The following SELENOI variants were observed in gnomAD, a reference collection of about 807,000 sequenced individuals.
SELENOI encodes ethanolaminephosphotransferase 1.
In SELENOI, 24 loss-of-function variants were observed where a neutral mutation model predicts 50.7. That is an observed-to-expected ratio of 0.47 (90% CI 0.34 to 0.67). The LOEUF (loss-of-function observed/expected upper bound fraction) is 0.67, where lower values mean the gene tolerates loss of function less well. Among genes scored for constraint, SELENOI ranks in the 30% least tolerant of loss-of-function variants. The probability of loss-of-function intolerance (pLI) is 0.01; values close to 1 mark genes in which losing one functional copy is unlikely to be tolerated. For synonymous variants in SELENOI, 155 were observed against 170.2 expected, an observed-to-expected ratio of 0.91 and a Z score of 0.70; for missense variants, 352 against 461.4, an observed-to-expected ratio of 0.76 and a Z score of 2.17.
At chr2:26,360,418 C>T (rs1023085952) in intron 1 of SELENOI, among the ~76,000 whole-genome samples, 2 of 152,156 alleles carry the variant, frequency 1.3e-5, no homozygotes, top group African/African-American at 4.8e-5. Context: ...CTTCTGATCT[C>T]CTGAAGTCGA....
At chr2:26,376,294 A>G (rs1677566189) in intron 6 of SELENOI, among the ~76,000 whole-genome samples, 1 of 152,146 alleles carries the variant, frequency 6.6e-6, no homozygotes, top group Admixed American at 6.5e-5. Flanking sequence ...AAATCTATCA[A>G]ATGTTCATTT....
intron 1 of SELENOI, among the ~76,000 whole-genome samples, chr2:26,353,842 C>T (rs916176220): frequency 3.3e-5 from 5 of 152,148 alleles, no homozygotes; most frequent in African/African-American, 9.7e-5. Context: ...GTTTCTCTAA[C>T]TGCTGTAGTG....
intron 1 of SELENOI, among the ~76,000 whole-genome samples, chr2:26,354,734 G>T (rs914457472): frequency 1.3e-5 from 2 of 152,142 alleles, no homozygotes; most frequent in African/African-American, 2.4e-5. Flanking sequence ...TTAGAATAAA[G>T]ACCTTCAATG....
chr2:26,369,957 A>G (rs564880653), intron 4 of SELENOI, among the ~76,000 whole-genome samples: 10 of 151,088 alleles, frequency 6.6e-5, no homozygotes, highest in African/African-American at 2.2e-4. Context: ...GTCAGCAGAT[A>G]AACAAGTGAA....
intron 1 of SELENOI, among the ~76,000 whole-genome samples, chr2:26,356,956 CCA>C (rs147570982): frequency 2.6e-5 from 4 of 151,370 alleles, no homozygotes; most frequent in Admixed American, 6.6e-5. Flanking sequence ...ATCCCTACCT[CCA>C]CACACACACA....
chr2:26,361,256 T>G (rs533528547), intron 1 of SELENOI, among the ~76,000 whole-genome samples: 2 of 152,294 alleles, frequency 1.3e-5, no homozygotes, highest in Non-Finnish European at 1.5e-5. Flanking sequence ...AGACAAATAC[T>G]GTGCCATTTT....
rs570739931 is a variant in SELENOI, at chr2:26,363,332, G to T, written c.58-970G>T. ...AGAGAGATTAAGTAACTTGCCCAAGGTCTCACAGGTAGTAAGTGTATCGTA... is the reference window on the plus strand; with the variant it reads ...AGAGAGATTAAGTAACTTGCCCAAGTTCTCACAGGTAGTAAGTGTATCGTA... On this transcript the variant is annotated intron_variant, in intron 1 of 9. Transcript: ENST00000260585. 3.9e-5 allele frequency among the ~76,000 whole-genome samples: 6 copies of T among 152,288 alleles called. No homozygotes were observed. The South Asian group carries it at 1.2e-3, about 32-fold the overall frequency.
intron 1 of SELENOI, among the ~76,000 whole-genome samples, chr2:26,356,729 C>G (rs1677072237): frequency 6.6e-6 from 1 of 152,122 alleles, no homozygotes; most frequent in South Asian, 2.1e-4. Context: ...TCAGAATGGT[C>G]CTCTTAAGGA....
At chr2:26,370,742 T>A (rs927788959) in intron 4 of SELENOI, among the ~76,000 whole-genome samples, 1 of 137,050 alleles carries the variant, frequency 7.3e-6, no homozygotes, top group Admixed American at 7.2e-5. Context: ...GGCGGGGGGC[T>A]GACCCCCCCA....
chr2:26,376,308 A>T (rs939953147), intron 6 of SELENOI, among the ~76,000 whole-genome samples: 4 of 152,130 alleles, frequency 2.6e-5, no homozygotes, highest in African/African-American at 9.7e-5. Context: ...TTCATTTTTG[A>T]TACCTGTATA....
At position 26,352,044 on chromosome 2, in the gene SELENOI, G is replaced by A. The variant is rs10204053; in HGVS notation, c.57+5755G>A. On this transcript the variant is annotated intron_variant, in intron 1 of 9. Transcript: ENST00000260585. ...TGTCCCAGCTACTCTGGAGGCTGAG[G>A]TGGGAGGATTGCTGAAGCCTGGGAA... Among the ~76,000 whole-genome samples the A allele has an allele frequency of 6.5e-3, 996 of 152,240 alleles. 10 individuals carry two copies. The highest frequency in any genetic ancestry group is 0.023 in the African/African-American group (940 of 41,546).
chr2:26,363,623 C>T (rs775955283), intron 1 of SELENOI, among the ~76,000 whole-genome samples: 2 of 152,102 alleles, frequency 1.3e-5, no homozygotes, highest in African/African-American at 2.4e-5. Flanking sequence ...ATTAACTCTG[C>T]GATTTGGGTT....
In SELENOI at chr2:26,394,539, C is replaced by G. The variant is rs1029305060; in HGVS notation, c.*5436C>G. 2.6e-5 allele frequency: 4 copies of G among 152,034 alleles called. No individual in the cohort carries two copies. The highest frequency in any genetic ancestry group is 1.3e-4 in the Admixed American group (2 of 15,268). 9.4% of individuals were successfully genotyped at this position (152,034 alleles called of 1,614,324 possible). ...TTTGTTGTTTAGATAACTTGCCTCC[C>G]TAGAGGAGCATTCAGGAGATAAAGA... is the stretch of plus-strand genomic sequence containing the variant. On this transcript the variant is annotated 3_prime_UTR_variant, in exon 10 of 10. Transcript: ENST00000260585. The surrounding 1 kb of genome is among the most constrained non-coding windows in gnomAD (Gnocchi z 4.1).
At chr2:26,375,280 G>A in intron 6 of SELENOI, 132 bp downstream of exon 6, 1 of 553,048 alleles carries the variant, frequency 1.8e-6, no homozygotes, top group Non-Finnish European at 3.2e-6. Flanking sequence ...CTACAACCTT[G>A]TAGGATTTCA....
intron 4 of SELENOI, among the ~76,000 whole-genome samples, chr2:26,371,873 AGGGAGACCATG>A (rs1359614435): frequency 2.0e-5 from 3 of 149,740 alleles, no homozygotes; most frequent in African/African-American, 7.6e-5. Context: ...CCATGGGGAG[AGGGAGACCATG>A]GGGAGAGGGA....
chr2:26,395,825 T>C lies in SELENOI; in HGVS notation c.*6722T>C, dbSNP rs905769679. 14 of 152,626 alleles carry C rather than the reference T, an allele frequency of 9.2e-5. No homozygotes were observed. The highest frequency in any genetic ancestry group is 2.1e-4 in the Non-Finnish European group (14 of 68,034). The allele number at this position is 152,626 out of a possible 1,614,324, so 9.5% of individuals were successfully genotyped here. On this transcript the variant is annotated 3_prime_UTR_variant, in exon 10 of 10. Transcript: ENST00000260585. ...AGGTTTTAATTGAAAATTGTTTAAT[T>C]CTATTATTGATAATTATTTATTGTA... is the stretch of plus-strand genomic sequence containing the variant.
rs1677582146 is a variant in SELENOI at position 26,377,022 on chromosome 2, GA to G, written c.682+1875del. On this transcript the variant is annotated intron_variant, in intron 6 of 9. Coordinates refer to ENST00000260585, the MANE Select transcript of SELENOI (RefSeq NM_033505.4). ...GTGTTTGTCTTTCTTGGTATTTGTT[GA>G]GCTGTTGACTCTGTTGGACCTGTAA... Among the ~76,000 whole-genome samples the G allele has an allele frequency of 4.6e-5, 7 of 152,104 alleles. No homozygotes were observed. The South Asian group carries it at 1.4e-3, about 32-fold the overall frequency.
intron 7 of SELENOI, 41 bp from the exon 8 acceptor site, chr2:26,384,918 A>G (rs1677806692): frequency 2.0e-5 from 28 of 1,425,254 alleles, no homozygotes; most frequent in Non-Finnish European, 2.7e-5. Flanking sequence ...TACAATTTAT[A>G]TGTAATAATG....
intron 6 of SELENOI, among the ~76,000 whole-genome samples, chr2:26,379,731 A>G (rs1677644627): frequency 6.6e-6 from 1 of 152,208 alleles, no homozygotes; most frequent in Middle Eastern, 3.2e-3. Context: ...TAAGGAAATC[A>G]AGTTTTTATG....
Sources: gnomAD v4.1 joint callset for allele counts (sites outside exome capture counted in the v4.1 genomes callset) on GRCh38, gnomAD v4.1.1 for gene constraint, Gnocchi (gnomAD v3.1) non-coding constraint, MANE v1.5 for transcripts, NCBI Gene and HGNC (gene_info 2026-07-23, HGNC 2026-07-21) for gene names.